STK32B: variants seen among roughly 807,000 people sequenced by gnomAD.
The protein encoded by STK32B is serine/threonine-protein kinase 32B.
In STK32B, 43 loss-of-function variants were observed where a neutral mutation model predicts 52.6. The ratio of observed to expected loss-of-function variants is 0.82; its 90% confidence interval spans 0.64 to 1.05. The LOEUF (loss-of-function observed/expected upper bound fraction) is 1.05, where lower values mean the gene tolerates loss of function less well. Ranked by LOEUF, STK32B falls within the 50% of genes least tolerant of loss-of-function variation. The pLI is 0.00. For missense variants in STK32B, 621 were observed against 534.6 expected, an observed-to-expected ratio of 1.16 and a Z score of -1.59; for synonymous variants, 238 against 204.3, an observed-to-expected ratio of 1.17 and a Z score of -1.41.
At chr4:5,381,560 T>C (rs543439452) in intron 4 of STK32B, among the ~76,000 whole-genome samples, 1 of 152,354 alleles carries the variant, frequency 6.6e-6, no homozygotes, top group South Asian at 2.1e-4. Flanking sequence ...GGTCAGCACA[T>C]GCTAGGGGCT....
chr4:5,322,375 TAGTG>T (rs1731564951), intron 3 of STK32B, among the ~76,000 whole-genome samples: 2 of 152,212 alleles, frequency 1.3e-5, no homozygotes, highest in East Asian at 1.9e-4. Flanking sequence ...GAGGTGAGCA[TAGTG>T]AGTGAGACCT....
chr4:5,402,375 G>T (rs1402929381), intron 5 of STK32B, among the ~76,000 whole-genome samples: 1 of 152,236 alleles, frequency 6.6e-6, no homozygotes, highest in African/African-American at 2.4e-5. Flanking sequence ...CCAAAGGTGG[G>T]CAAGGAGAGA....
intron 3 of STK32B, among the ~76,000 whole-genome samples, chr4:5,312,464 A>T (rs1730362327): frequency 7.2e-6 from 1 of 139,680 alleles, no homozygotes. Flanking sequence ...CAGTCCCCAG[A>T]GTGTGATGTT....
At chr4:5,043,669 G>T in the STK32B span, among the ~76,000 whole-genome samples, 221 of 152,274 alleles carry the variant, frequency 1.5e-3, 1 homozygote, top group African/African-American at 5.0e-3. Flanking sequence ...CTACTCCTCG[G>T]AGTGCTGTCC....
intron 3 of STK32B, among the ~76,000 whole-genome samples, chr4:5,191,369 G>A (rs531387469): frequency 7.9e-5 from 12 of 151,862 alleles, no homozygotes; most frequent in Non-Finnish European, 1.6e-4. Flanking sequence ...TCCTGCCTCA[G>A]ACTCCCCAGT....
intron 1 of STK32B, among the ~76,000 whole-genome samples, chr4:5,061,736 G>A (rs995947192): frequency 2.6e-4 from 39 of 152,176 alleles, no homozygotes; most frequent in African/African-American, 9.2e-4. Context: ...CTGCTAGAAT[G>A]TAGCTCTGTG....
intron 2 of STK32B, among the ~76,000 whole-genome samples, chr4:5,145,004 T>C (rs916740079): frequency 3.3e-5 from 5 of 152,216 alleles, no homozygotes; most frequent in African/African-American, 1.2e-4. Context: ...GGAACACTCA[T>C]AGTTTATGGG....
intron 3 of STK32B, among the ~76,000 whole-genome samples, chr4:5,211,931 G>A (rs889817027): frequency 6.6e-6 from 1 of 152,060 alleles, no homozygotes; most frequent in African/African-American, 2.4e-5. Flanking sequence ...TTGGGTATTT[G>A]CCATAGTATT....
chr4:5,350,935 G>C (rs777308253), intron 4 of STK32B, among the ~76,000 whole-genome samples: 3 of 151,958 alleles, frequency 2.0e-5, no homozygotes, highest in Non-Finnish European at 4.4e-5. Context: ...AAACATATAT[G>C]CACCCAATGG....
chr4:5,109,743 A>G (rs1321545072), intron 1 of STK32B, among the ~76,000 whole-genome samples: 4 of 152,248 alleles, frequency 2.6e-5, no homozygotes, highest in Non-Finnish European at 5.9e-5. Context: ...ACTATTCAAC[A>G]TAGTACTAAC....
chr4:5,146,188 G>T (rs1364514503), intron 2 of STK32B, among the ~76,000 whole-genome samples: 1 of 152,004 alleles, frequency 6.6e-6, no homozygotes, highest in Non-Finnish European at 1.5e-5. Context: ...TTATTAAGGA[G>T]AATTGCCTCA....
intron 11 of STK32B, among the ~76,000 whole-genome samples, chr4:5,495,978 C>G (rs544129458): frequency 8.6e-5 from 13 of 151,560 alleles, no homozygotes; most frequent in East Asian, 3.9e-4. Flanking sequence ...ATGTGTCAGT[C>G]TGCCCCTACT....
chr4:5,173,745 A>G (rs565704238), intron 3 of STK32B, among the ~76,000 whole-genome samples: 1 of 152,296 alleles, frequency 6.6e-6, no homozygotes, highest in Admixed American at 6.5e-5. Flanking sequence ...ATTTTGGAAT[A>G]GGTGTGGTGT....
intron 1 of STK32B, among the ~76,000 whole-genome samples, chr4:5,087,807 G>A (rs753453248): frequency 2.6e-5 from 4 of 151,558 alleles, no homozygotes; most frequent in South Asian, 2.1e-4. Flanking sequence ...AGCAAAAAGC[G>A]GCAGAATTGA....
At chr4:5,438,694 T>A (rs1223970149) in intron 6 of STK32B, among the ~76,000 whole-genome samples, 1 of 152,242 alleles carries the variant, frequency 6.6e-6, no homozygotes, top group Non-Finnish European at 1.5e-5. Context: ...GCTGGTGCGC[T>A]GCACCCACTA....
intron 6 of STK32B, among the ~76,000 whole-genome samples, chr4:5,425,363 G>C (rs1713003625): frequency 6.6e-6 from 1 of 152,210 alleles, no homozygotes; most frequent in South Asian, 2.1e-4. Flanking sequence ...ATTGAGGCCA[G>C]GGAAAGTGAA....
rs1232680797 is a variant in STK32B at position 5,378,176 on chromosome 4, G to A, written c.435-20031G>A. 6.6e-6 allele frequency among the ~76,000 whole-genome samples: 1 copy of A among 152,200 alleles called. No individual in the cohort carries two copies. The highest frequency in any genetic ancestry group is 1.5e-5 in the Non-Finnish European group (1 of 68,040). ...CCCGTCTGTCTGAGTGTTCATTCAT[G>A]TCCAGTCCAGTAGCGCCCACTGGTG... is the stretch of plus-strand genomic sequence containing the variant. On this transcript the variant is annotated intron_variant, in intron 4 of 11. Transcript: ENST00000282908. The surrounding 1 kb of genome is among the most constrained non-coding windows in gnomAD (Gnocchi z 4.4).
chr4:5,494,313 G>T (rs1362604561), intron 11 of STK32B, among the ~76,000 whole-genome samples: 1 of 152,122 alleles, frequency 6.6e-6, no homozygotes, highest in African/African-American at 2.4e-5. Context: ...TTGTTGAATT[G>T]ATCCCTTTAC....
chr4:5,481,402 T>A (rs367946126), intron 11 of STK32B, among the ~76,000 whole-genome samples: 15 of 152,362 alleles, frequency 9.8e-5, no homozygotes, highest in Middle Eastern at 3.4e-3. Context: ...TGTCTGTTCA[T>A]ATCCTTTGCC....
Sources: gnomAD v4.1 joint callset for allele counts (sites outside exome capture counted in the v4.1 genomes callset) on GRCh38, gnomAD v4.1.1 for gene constraint, Gnocchi (gnomAD v3.1) non-coding constraint, MANE v1.5 for transcripts, NCBI Gene and HGNC (gene_info 2026-07-23, HGNC 2026-07-21) for gene names.